The following WWC1 variants were observed in gnomAD, a reference collection of about 807,000 sequenced individuals.
WWC1 encodes the protein protein KIBRA.
WWC1 carries 55 observed loss-of-function variants against 138.4 expected under a neutral mutation model. That is an observed-to-expected ratio of 0.40 (90% confidence interval 0.32 to 0.50). WWC1 has a LOEUF of 0.50. Ranked by LOEUF, WWC1 falls within the 20% of genes least tolerant of loss-of-function variation. The probability of loss-of-function intolerance (pLI) is 0.72; values close to 1 mark genes in which losing one functional copy is unlikely to be tolerated. For synonymous variants in WWC1, 524 were observed against 564.9 expected, an observed-to-expected ratio of 0.93 and a Z score of 1.03; for missense variants, 1,226 against 1,420.4, an observed-to-expected ratio of 0.86 and a Z score of 2.20.
In WWC1 at chr5:168,297,587, T is replaced by C. The variant is rs576664347; in HGVS notation, c.119+5316T>C. On this transcript the variant is annotated intron_variant, in intron 1 of 22. Coordinates refer to ENST00000265293, the MANE Select transcript of WWC1 (RefSeq NM_015238.3). The stretch of plus-strand genomic sequence containing the variant: ...GTTGTGGTGAGCCAAGATCGCGCCA[T>C]TGCACTCCATCCTGGGCAACAAGAG... Among the ~76,000 whole-genome samples, 220 of 145,472 alleles carry C rather than the reference T, an allele frequency of 1.5e-3. 1 individual carries two copies. The highest frequency in any genetic ancestry group is 5.3e-3 in the African/African-American group (208 of 39,006).
chr5:168,372,022 CGAGAGAGA>C (rs10602598), intron 2 of WWC1, among the ~76,000 whole-genome samples: 48,135 of 145,568 alleles, frequency 0.33, 7,940 homozygotes, highest in South Asian at 0.47. Flanking sequence ...AGTGAATTGG[CGAGAGAGA>C]GAGAGAGAGA....
At chr5:168,301,712 C>A (rs1179566713) in intron 1 of WWC1, among the ~76,000 whole-genome samples, 2 of 152,004 alleles carry the variant, frequency 1.3e-5, no homozygotes, top group African/African-American at 4.8e-5. Flanking sequence ...AGAATAGAAC[C>A]TACCTACCCC....
intron 1 of WWC1, among the ~76,000 whole-genome samples, chr5:168,310,386 C>T (rs1260711138): frequency 1.3e-5 from 2 of 150,526 alleles, no homozygotes; most frequent in Non-Finnish European, 3.0e-5. Flanking sequence ...TTATCTAAAC[C>T]ATTTAAATTG....
At chr5:168,359,345 C>T (rs893751972) in intron 1 of WWC1, among the ~76,000 whole-genome samples, 2 of 152,178 alleles carry the variant, frequency 1.3e-5, no homozygotes, top group African/African-American at 4.8e-5. Context: ...TGAGCCACCA[C>T]GTCTGGCCTA....
chr5:168,428,210 G>T (rs1362112070), intron 12 of WWC1, 69 bp downstream of exon 12: 2 of 1,494,616 alleles, frequency 1.3e-6, no homozygotes, highest in Non-Finnish European at 1.8e-6. Context: ...CAGAGCCTAG[G>T]CCTGTGGAGA....
chr5:168,391,968 A>G (rs1230953841), intron 3 of WWC1, among the ~76,000 whole-genome samples: 1 of 151,986 alleles, frequency 6.6e-6, no homozygotes, highest in African/African-American at 2.4e-5. Context: ...TGTTGGTGGC[A>G]GCAGCTATTT....
intron 17 of WWC1, among the ~76,000 whole-genome samples, chr5:168,451,607 A>G (rs1332818492): frequency 6.6e-6 from 1 of 152,180 alleles, no homozygotes; most frequent in African/African-American, 2.4e-5. Context: ...AGGCTGAGGC[A>G]GGAGAATCAA....
intron 1 of WWC1, among the ~76,000 whole-genome samples, chr5:168,368,710 A>G (rs1776511966): frequency 6.6e-6 from 1 of 152,142 alleles, no homozygotes; most frequent in Non-Finnish European, 1.5e-5. Context: ...AGATGAGGTG[A>G]TGTTAGATGA....
intron 8 of WWC1, chr5:168,413,998 T>G: frequency 4.1e-6 from 1 of 243,910 alleles, no homozygotes; most frequent in Admixed American, 5.1e-5. Flanking sequence ...GGAAAGAGCT[T>G]TTGTTATTCC....
intron 20 of WWC1, among the ~76,000 whole-genome samples, chr5:168,462,031 G>T (rs1203188278): frequency 6.6e-6 from 1 of 151,434 alleles, no homozygotes; most frequent in Non-Finnish European, 1.5e-5. Context: ...ACTCCAGCTG[G>T]GCAACAAGAG....
intron 18 of WWC1, among the ~76,000 whole-genome samples, chr5:168,455,138 G>A (rs1756189819): frequency 1.3e-5 from 2 of 152,206 alleles, no homozygotes; most frequent in South Asian, 4.1e-4. Flanking sequence ...CCAACCACAC[G>A]TGCCACGGAG....
chr5:168,447,731 A>T (rs1443794972), intron 17 of WWC1, among the ~76,000 whole-genome samples: 1 of 151,764 alleles, frequency 6.6e-6, no homozygotes, highest in Non-Finnish European at 1.5e-5. Context: ...TTCCTTTGTT[A>T]GTTTAGGGTT....
chr5:168,355,866 G>A (rs1338546623), intron 1 of WWC1, among the ~76,000 whole-genome samples: 1 of 151,900 alleles, frequency 6.6e-6, no homozygotes, highest in African/African-American at 2.4e-5. Flanking sequence ...GTGAGGAAAG[G>A]GTGCTGCAAA....
chr5:168,422,740 C>G (rs1300305709), intron 10 of WWC1, among the ~76,000 whole-genome samples: 2 of 152,170 alleles, frequency 1.3e-5, no homozygotes, highest in Non-Finnish European at 2.9e-5. Flanking sequence ...ACATTTTGTT[C>G]CATTAGATTT....
chr5:168,427,242 G>T lies in WWC1; in HGVS notation c.1811-791G>T, dbSNP rs116501620. Among the ~76,000 whole-genome samples, 1,442 of 152,254 alleles carry T rather than the reference G, an allele frequency of 9.5e-3. 18 individuals are homozygous for T. Among genetic ancestry groups the T allele is most frequent in the African/African-American group, 0.032 (1,348 of 41,526 alleles). ...ATCTACAGTGATAGGAACAGTAGTG[G>T]CAATAAGGATAGTTGTAATGAGTTT... On this transcript the variant is annotated intron_variant, in intron 11 of 22. Transcript: ENST00000265293.
At chr5:168,345,501 G>A (rs933179908) in intron 1 of WWC1, among the ~76,000 whole-genome samples, 4 of 152,206 alleles carry the variant, frequency 2.6e-5, no homozygotes, top group African/African-American at 9.7e-5. Flanking sequence ...CCTTGGGTGT[G>A]ATTGAGTAGT....
At chr5:168,466,607 AAGTTTATTT>A (rs1288545365) in intron 21 of WWC1, among the ~76,000 whole-genome samples, 5 of 152,212 alleles carry the variant, frequency 3.3e-5, no homozygotes, top group Admixed American at 2.6e-4. Flanking sequence ...AGTTCCAGAA[AAGTTTATTT>A]CTTTCTTATT....
At position 168,464,960 on chromosome 5, in the gene WWC1, C is replaced by T. The variant is rs138503526; in HGVS notation, c.3148C>T (p.Arg1050Trp). ...FRLLLRMLEKRQMDRAEHKGE... is the reference protein window; with the variant it reads ...FRLLLRMLEKWQMDRAEHKGE... ...CCTGCTGCTGAGGATGCTGGAGAAG[C>T]GGGTGAGTTCTGCCTCGAAGGCAGG... Residue 1050 changes from arginine (R) to tryptophan (W), a missense_variant and splice_region_variant, in exon 21 of 23, where the codon CGG becomes TGG. By Grantham distance (101) the Arg-to-Trp change is moderately radical (BLOSUM62 -3). Coordinates refer to ENST00000265293, the MANE Select transcript of WWC1 (RefSeq NM_015238.3). 1.3e-5 allele frequency: 21 copies of T among 1,613,528 alleles called. No individual in the cohort carries two copies. Among genetic ancestry groups the T allele is most frequent in the African/African-American group, 8.0e-5 (6 of 74,920 alleles).
chr5:168,379,952 AT>A (rs1777490462), intron 2 of WWC1, among the ~76,000 whole-genome samples: 1 of 152,206 alleles, frequency 6.6e-6, no homozygotes, highest in African/African-American at 2.4e-5. Flanking sequence ...ATAGGCAAAG[AT>A]TTTTTTGGAC....
Sources: gnomAD v4.1 joint callset for allele counts (sites outside exome capture counted in the v4.1 genomes callset) on GRCh38, gnomAD v4.1.1 for gene constraint, MANE v1.5 for transcripts, NCBI Gene and HGNC (gene_info 2026-07-23, HGNC 2026-07-21) for gene names.